TRIO: variants seen among roughly 807,000 people sequenced by gnomAD.
The protein encoded by TRIO is triple functional domain protein.
Under a neutral mutation model 351.9 loss-of-function variants are expected in TRIO, and 58 were observed. That is an observed-to-expected ratio of 0.16 (90% CI 0.13 to 0.21). TRIO has a LOEUF of 0.21. Ranked by LOEUF, TRIO falls within the 10% of genes least tolerant of loss-of-function variation. The probability of loss-of-function intolerance (pLI) is 1.00; values close to 1 mark genes in which losing one functional copy is unlikely to be tolerated. For synonymous variants in TRIO, 1,758 were observed against 1,595.7 expected (o/e 1.10, Z -2.42); for missense variants, 3,201 against 4,027.8 (o/e 0.79, Z 5.56).
intron 1 of TRIO, among the ~76,000 whole-genome samples, chr5:14,146,141 G>A: frequency 6.6e-6 from 1 of 150,402 alleles, no homozygotes; most frequent in South Asian, 2.1e-4. Context: ...GGCCAACGAT[G>A]TCTAGCAGGG....
chr5:14,161,758 A>T (rs911680155), intron 1 of TRIO, among the ~76,000 whole-genome samples: 1 of 152,170 alleles, frequency 6.6e-6, no homozygotes, highest in East Asian at 1.9e-4. Flanking sequence ...ACAGCGTCTC[A>T]CCCTGTCACC....
At chr5:14,348,827 TTA>T (rs574827721) in intron 11 of TRIO, among the ~76,000 whole-genome samples, 33 of 132,880 alleles carry the variant, frequency 2.5e-4, no homozygotes, top group East Asian at 1.8e-3. Context: ...TCCTGCGTGT[TTA>T]TGTGTGTGTA....
intron 1 of TRIO, among the ~76,000 whole-genome samples, chr5:14,164,568 A>G (rs1788654851): frequency 6.6e-6 from 1 of 152,252 alleles, no homozygotes; most frequent in African/African-American, 2.4e-5. Flanking sequence ...TGCCACGCTC[A>G]GGATCTTGTT....
intron 33 of TRIO, among the ~76,000 whole-genome samples, chr5:14,414,346 C>T (rs749567722): frequency 3.9e-5 from 6 of 152,254 alleles, no homozygotes; most frequent in Non-Finnish European, 7.3e-5. Flanking sequence ...GGAGCTGCCA[C>T]GTCTCTGGTT....
At chr5:14,466,532 T>C (rs1754275859) in intron 37 of TRIO, 1 of 152,244 alleles carries the variant, frequency 6.6e-6, no homozygotes, top group Non-Finnish European at 1.5e-5. Flanking sequence ...AATTAATTTC[T>C]GTTTTTGTAG....
intron 1 of TRIO, among the ~76,000 whole-genome samples, chr5:14,230,714 T>C (rs1009532838): frequency 6.6e-6 from 1 of 152,198 alleles, no homozygotes; most frequent in Non-Finnish European, 1.5e-5. Flanking sequence ...TTCTCCTTTG[T>C]ATCATTCTCT....
chr5:14,168,745 C>G (rs1788927546), intron 1 of TRIO, among the ~76,000 whole-genome samples: 1 of 152,200 alleles, frequency 6.6e-6, no homozygotes, highest in Non-Finnish European at 1.5e-5. Flanking sequence ...GTGGTTTAAA[C>G]ATTTCAGTTT....
At chr5:14,254,046 A>T (rs369260164) in intron 1 of TRIO, among the ~76,000 whole-genome samples, 3 of 152,122 alleles carry the variant, frequency 2.0e-5, no homozygotes, top group Non-Finnish European at 2.9e-5. Flanking sequence ...TATTTCAAAA[A>T]TTCTCTCAGA....
intron 1 of TRIO, among the ~76,000 whole-genome samples, chr5:14,222,010 CGCAGCCACCCCAGCCTTCAA>C (rs1792662340): frequency 6.6e-6 from 1 of 152,114 alleles, no homozygotes; most frequent in Non-Finnish European, 1.5e-5. Flanking sequence ...AAGAAATTGC[CGCAGCCACCCCAGCCTTCAA>C]GCAGCCACCA....
intron 25 of TRIO, among the ~76,000 whole-genome samples, chr5:14,390,012 C>T (rs1375444707): frequency 2.0e-5 from 3 of 152,146 alleles, no homozygotes; most frequent in Non-Finnish European, 4.4e-5. Context: ...AGTATATGCT[C>T]AGTGAACACA....
chr5:14,370,474 A>C (rs1745010227), intron 18 of TRIO, among the ~76,000 whole-genome samples: 1 of 151,936 alleles, frequency 6.6e-6, no homozygotes, highest in Non-Finnish European at 1.5e-5. Context: ...GGTGGTGGTC[A>C]CTTTTCCTCC....
chr5:14,381,360 G>T, intron 21 of TRIO, 108 bp downstream of exon 21: 1 of 1,364,928 alleles, frequency 7.3e-7, no homozygotes, highest in Non-Finnish European at 9.7e-7. Context: ...GACCCAGTGG[G>T]CTGTTCCACA....
intron 35 of TRIO, 42 bp from the exon 36 acceptor site, chr5:14,462,713 A>G (rs1243651774): frequency 6.2e-7 from 1 of 1,609,656 alleles, no homozygotes; most frequent in Non-Finnish European, 8.5e-7. Flanking sequence ...ACGTCTGTGA[A>G]CTGGCCTGGA....
intron 8 of TRIO, among the ~76,000 whole-genome samples, chr5:14,311,679 A>G (rs1276010019): frequency 6.6e-6 from 1 of 152,196 alleles, no homozygotes; most frequent in African/African-American, 2.4e-5. Context: ...CCTTGATATG[A>G]GAATAAGTTC....
At chr5:14,353,819 A>G (rs757422341) in intron 11 of TRIO, among the ~76,000 whole-genome samples, 1 of 152,226 alleles carries the variant, frequency 6.6e-6, no homozygotes, top group Non-Finnish European at 1.5e-5. Context: ...GGAGTTGCAT[A>G]GAAGCACAGC....
intron 55 of TRIO, among the ~76,000 whole-genome samples, chr5:14,505,255 T>C (rs1267149924): frequency 6.6e-6 from 1 of 152,250 alleles, no homozygotes. Context: ...GAGCTCAGGC[T>C]GGGGGTGAGT....
intron 1 of TRIO, among the ~76,000 whole-genome samples, chr5:14,153,671 C>T (rs1787954580): frequency 6.6e-6 from 1 of 152,126 alleles, no homozygotes; most frequent in African/African-American, 2.4e-5. Context: ...GGGCAAGCGA[C>T]CTGCTTGCCC....
chr5:14,385,398 A>C lies in TRIO; in HGVS notation c.3571-2040A>C, dbSNP rs148279605. On this transcript the variant is annotated intron_variant, in intron 21 of 56. Coordinates refer to ENST00000344204, the MANE Select transcript of TRIO (RefSeq NM_007118.4). ...ACGTGCATCCACACAGTTCACATCC[A>C]TATAGTGAAATATTACCCAGCTCTA... Among the ~76,000 whole-genome samples, 915 of 152,344 alleles carry C rather than the reference A, an allele frequency of 6.0e-3. 13 individuals carry two copies. Among genetic ancestry groups the C allele is most frequent in the African/African-American group, 0.021 (868 of 41,574 alleles).
At chr5:14,152,413 C>T (rs1787893552) in intron 1 of TRIO, among the ~76,000 whole-genome samples, 2 of 152,218 alleles carry the variant, frequency 1.3e-5, no homozygotes, top group Non-Finnish European at 2.9e-5. Context: ...CTCTGTCACC[C>T]AGGCTGGAGT....
Sources: gnomAD v4.1 joint callset for allele counts (sites outside exome capture counted in the v4.1 genomes callset) on GRCh38, gnomAD v4.1.1 for gene constraint, MANE v1.5 for transcripts, NCBI Gene and HGNC (gene_info 2026-07-23, HGNC 2026-07-21) for gene names.